The following NSD1 variants were observed in gnomAD, a reference collection of about 807,000 sequenced individuals.
NSD1 encodes nuclear receptor binding SET domain protein 1, also known as histone-lysine N-methyltransferase, H3 lysine-36 specific.
Under a neutral mutation model 242.7 loss-of-function variants are expected in NSD1, and 26 were observed. That is an observed-to-expected ratio of 0.11 (90% CI 0.08 to 0.15). The LOEUF (loss-of-function observed/expected upper bound fraction) is 0.15. NSD1 is among the 10% of genes least tolerant of loss of function. NSD1 has a pLI of 1.00. For missense variants in NSD1, 2,495 were observed against 3,272.8 expected, an observed-to-expected ratio of 0.76 and a Z score of 5.80; for synonymous variants, 1,106 against 1,178.1, an observed-to-expected ratio of 0.94 and a Z score of 1.25.
At chr5:177,159,005 T>TATATATATATGAATA (rs1282924451) in intron 2 of NSD1, among the ~76,000 whole-genome samples, 1 of 89,044 alleles carries the variant, frequency 1.1e-5, no homozygotes, top group African/African-American at 6.2e-5. Context: ...ATTTTATATA[T>TATATATATATGAATA]ATATATATAT....
chr5:177,280,492 T>A, intron 17 of NSD1, 73 bp from the exon 18 acceptor site: 1 of 1,581,590 alleles, frequency 6.3e-7, no homozygotes, highest in Non-Finnish European at 8.7e-7. Context: ...GGAAAAAAAG[T>A]TTGCCTTTTT....
intron 5 of NSD1, chr5:177,229,865 T>G (rs1764922843): frequency 4.2e-6 from 1 of 236,244 alleles, no homozygotes; most frequent in African/African-American, 2.4e-5. Flanking sequence ...TGTCTCACCC[T>G]CCTGAGTAGC....
intron 2 of NSD1, among the ~76,000 whole-genome samples, chr5:177,162,583 T>C (rs958944595): frequency 1.3e-5 from 2 of 152,152 alleles, no homozygotes; most frequent in Non-Finnish European, 2.9e-5. Flanking sequence ...TCTTTCGCCC[T>C]ATTGGCTAGG....
chr5:177,246,765 A>G lies in NSD1; in HGVS notation c.4466A>G (p.Asp1489Gly), dbSNP rs370627030. 1 of 1,613,812 alleles carries G rather than the reference A, an allele frequency of 6.2e-7. No homozygotes were observed. Among genetic ancestry groups the G allele is most frequent in the East Asian group, 2.2e-5 (1 of 44,882 alleles). The change falls in exon 10 of 23, where the codon GAT (aspartate) becomes GGT (glycine). Residue 1489 changes from aspartate to glycine, a missense_variant. Asp to Gly is a moderately conservative substitution (Grantham distance 94). Coordinates refer to ENST00000439151, the MANE Select transcript of NSD1 (RefSeq NM_022455.5). Reference sequence around the variant, plus strand: ...ATGCAGTGTAAAAAAGTGAAAAATGATGACTCGTCAAAAGAGATTCCAGGC... The same window carrying G: ...ATGCAGTGTAAAAAAGTGAAAAATGGTGACTCGTCAAAAGAGATTCCAGGC... Reference protein sequence around the residue: ...AKMQCKKVKNDDSSKEIPGSE... With the variant: ...AKMQCKKVKNGDSSKEIPGSE...
At chr5:177,246,872 C>T in intron 10 of NSD1, 76 bp downstream of exon 10, 1 of 1,056,378 alleles carries the variant, frequency 9.5e-7, no homozygotes, top group Admixed American at 1.7e-5. Context: ...TCCCTCTTTC[C>T]CTTGAGTTTT....
chr5:177,234,761 CGTT>C (rs1765313683), intron 5 of NSD1, among the ~76,000 whole-genome samples: 2 of 152,190 alleles, frequency 1.3e-5, no homozygotes, highest in South Asian at 4.1e-4. Context: ...AGACAATACT[CGTT>C]GTTAATGAGA....
intron 20 of NSD1, among the ~76,000 whole-genome samples, chr5:177,284,474 G>A (rs543341969): frequency 3.3e-5 from 5 of 151,772 alleles, no homozygotes; most frequent in African/African-American, 7.3e-5. Flanking sequence ...TTGTAGAGAC[G>A]GAGTCTTGCC....
chr5:177,267,776 C>G (rs527712347), intron 15 of NSD1, 58 bp downstream of exon 15: 1 of 1,489,394 alleles, frequency 6.7e-7, no homozygotes, highest in East Asian at 2.3e-5. Flanking sequence ...TGAGACCTCT[C>G]AGATACAATG....
intron 12 of NSD1, among the ~76,000 whole-genome samples, chr5:177,254,103 A>G (rs1756228278): frequency 6.6e-6 from 1 of 150,746 alleles, no homozygotes; most frequent in Admixed American, 6.6e-5. Flanking sequence ...ATGTGCCACC[A>G]CTCCTGGCTA....
intron 10 of NSD1, among the ~76,000 whole-genome samples, chr5:177,247,375 C>T (rs901259726): frequency 1.3e-5 from 2 of 152,026 alleles, no homozygotes; most frequent in Admixed American, 6.6e-5. Flanking sequence ...TGTAGTGAGC[C>T]GAAATCATGC....
intron 20 of NSD1, among the ~76,000 whole-genome samples, chr5:177,285,155 G>C (rs1759205505): frequency 6.6e-6 from 1 of 152,152 alleles, no homozygotes; most frequent in Admixed American, 6.5e-5. Context: ...TTATGTGGTA[G>C]ATATTTTCCA....
chr5:177,162,669 A>G (rs566228131), intron 2 of NSD1, among the ~76,000 whole-genome samples: 2 of 152,074 alleles, frequency 1.3e-5, no homozygotes, highest in East Asian at 1.9e-4. Context: ...GGCATGAGTT[A>G]CCTTGCCTTG....
At chr5:177,171,760 T>A (rs1296239227) in intron 2 of NSD1, among the ~76,000 whole-genome samples, 1 of 152,232 alleles carries the variant, frequency 6.6e-6, no homozygotes, top group East Asian at 1.9e-4. Flanking sequence ...GCTGTCAAGG[T>A]TTTTGCATGT....
chr5:177,157,678 G>A (rs758961474), intron 2 of NSD1, among the ~76,000 whole-genome samples: 8 of 152,170 alleles, frequency 5.3e-5, no homozygotes, highest in Non-Finnish European at 1.2e-4. Context: ...CTTAAAGGGT[G>A]TAGAGTTGAA....
intron 17 of NSD1, among the ~76,000 whole-genome samples, chr5:177,278,813 T>C: frequency 6.6e-6 from 1 of 152,234 alleles, no homozygotes; most frequent in South Asian, 2.1e-4. Context: ...ATTTGACTGT[T>C]CCCACTGAAA....
Position 177,210,046 on chromosome 5 carries a change from T to C in NSD1, c.1647T>C (p.Asn549=). ...SGDISDTQAS[N]ELSRIANSLT... is the part of the protein sequence containing the mutation. ...ATATATCTGATACGCAGGCCTCTAA[T>C]GAACTTTCCAGGATAGCAAATAGCC... is the stretch of plus-strand genomic sequence containing the variant. Residue 549 remains asparagine (N), a synonymous_variant, in exon 5 of 23, where the codon AAT becomes AAC. Coordinates refer to ENST00000439151, the MANE Select transcript of NSD1 (RefSeq NM_022455.5). 2.5e-6 allele frequency: 4 copies of C among 1,614,118 alleles called. No homozygotes were observed. Among genetic ancestry groups the C allele is most frequent in the Non-Finnish European group, 3.4e-6 (4 of 1,180,004 alleles).
At chr5:177,218,599 G>A (rs1472422240) in intron 5 of NSD1, among the ~76,000 whole-genome samples, 2 of 147,088 alleles carry the variant, frequency 1.4e-5, no homozygotes, top group Non-Finnish European at 3.0e-5. Context: ...ACGGAGTCTC[G>A]CTCTGTTGCC....
intron 8 of NSD1, 52 bp from the exon 9 acceptor site, chr5:177,244,142 AG>A: frequency 2.3e-6 from 3 of 1,288,286 alleles, no homozygotes; most frequent in Admixed American, 1.7e-5. Context: ...TATAAAGTAA[AG>A]GGTTTATTTT....
At position 177,233,650 on chromosome 5, in the gene NSD1, C is replaced by T. The variant is rs146784074; in HGVS notation, c.3797-2171C>T. Among the ~76,000 whole-genome samples, 25 of 150,012 alleles carry T rather than the reference C, an allele frequency of 1.7e-4. No individual in the cohort carries two copies. The East Asian group carries it at 2.7e-3, about 16-fold the overall frequency. Reference sequence around the variant, plus strand: ...CAAAGGCATGAATTTCTTACCAGTTCGTTATTATGCTAACAGAAAGGCATG... The same window carrying T: ...CAAAGGCATGAATTTCTTACCAGTTTGTTATTATGCTAACAGAAAGGCATG... On this transcript the variant is annotated intron_variant, in intron 5 of 22. Coordinates refer to ENST00000439151, the MANE Select transcript of NSD1 (RefSeq NM_022455.5).
Sources: allele counts gnomAD v4.1 joint callset (sites outside exome capture counted in the v4.1 genomes callset), GRCh38; gene constraint gnomAD v4.1.1; transcripts MANE v1.5; gene names NCBI Gene and HGNC (gene_info 2026-07-23, HGNC 2026-07-21).